The following TRAPPC9 variants were observed in gnomAD, a reference collection of about 807,000 sequenced individuals.
The protein encoded by TRAPPC9 is IKK2 binding protein.
A neutral mutation model predicts 124.0 loss-of-function variants in TRAPPC9; 83 were observed. That is an observed-to-expected ratio of 0.67 (90% CI 0.56 to 0.80). The LOEUF is 0.80. Among genes scored for constraint, TRAPPC9 ranks in the 30% least tolerant of loss-of-function variants. The pLI, the probability that TRAPPC9 is intolerant of heterozygous loss-of-function variation, is 0.00. For missense variants in TRAPPC9, 1,302 were observed against 1,508.3 expected, an observed-to-expected ratio of 0.86 and a Z score of 2.27; for synonymous variants, 638 against 617.5, an observed-to-expected ratio of 1.03 and a Z score of -0.49.
chr8:139,753,234 C>CCCATCCATCCATTCACCCATCTA (rs1819479796), intron 21 of TRAPPC9, among the ~76,000 whole-genome samples: 1 of 149,562 alleles, frequency 6.7e-6, no homozygotes, highest in Non-Finnish European at 1.5e-5. Flanking sequence ...CCAACATCTA[C>CCCATCCATCCATTCACCCATCTA]CCATCCATCC....
intron 19 of TRAPPC9, among the ~76,000 whole-genome samples, chr8:139,916,930 T>C (rs1200380874): frequency 2.6e-5 from 4 of 152,204 alleles, no homozygotes; most frequent in Non-Finnish European, 4.4e-5. Context: ...CATATGTGAA[T>C]CGATTGCCTG....
intron 11 of TRAPPC9, among the ~76,000 whole-genome samples, chr8:140,294,384 C>T (rs970439441): frequency 6.6e-6 from 1 of 152,120 alleles, no homozygotes; most frequent in African/African-American, 2.4e-5. Flanking sequence ...CAGACCACTC[C>T]TCACCACAAA....
chr8:140,077,877 G>A (rs892918680), intron 17 of TRAPPC9, among the ~76,000 whole-genome samples: 13 of 152,174 alleles, frequency 8.5e-5, no homozygotes, highest in Non-Finnish European at 1.5e-4. Context: ...AAAAGGCTGC[G>A]TGGCCCCAGA....
chr8:140,245,419 A>ACT (rs2063958214), intron 16 of TRAPPC9, among the ~76,000 whole-genome samples: 1 of 147,918 alleles, frequency 6.8e-6, no homozygotes, highest in South Asian at 2.2e-4. Flanking sequence ...GCGTCATTTA[A>ACT]CTCTCTCTTA....
At chr8:139,921,786 A>G (rs1832517417) in intron 19 of TRAPPC9, among the ~76,000 whole-genome samples, 1 of 152,126 alleles carries the variant, frequency 6.6e-6, no homozygotes, top group African/African-American at 2.4e-5. Context: ...AGAAAGGGCT[A>G]TGGGCTGCAT....
rs2064932985 is a variant in TRAPPC9, at chr8:140,272,132, A to ATGGTGATGGTGATGG, written c.2278+3511_2278+3525dup. 7.2e-5 allele frequency among the ~76,000 whole-genome samples: 10 copies of ATGGTGATGGTGATGG among 138,630 alleles called. No homozygotes were observed. In the Admixed American group the frequency reaches 7.3e-4, roughly 10 times the overall value. 90.9% of individuals were successfully genotyped at this position (138,630 alleles called of 152,430 possible). On this transcript the variant is annotated intron_variant, in intron 15 of 22. Coordinates refer to ENST00000438773, the MANE Select transcript of TRAPPC9 (RefSeq NM_001160372.4). Reference sequence around the variant, plus strand: ...GGTGGTGGCAATGGTGATGGTGGCGATGGTGATGGTGATGGTGGTAGCAGT... The same window carrying ATGGTGATGGTGATGG: ...GGTGGTGGCAATGGTGATGGTGGCGATGGTGATGGTGATGGTGGTGATGGTGATGGTGGTAGCAGT...
In TRAPPC9 at chr8:140,287,675, A is replaced by G. The variant is rs759370642; in HGVS notation, c.1914T>C (p.Ala638=). The change falls in exon 13 of 23, where the codon GCT becomes GCC. Residue 638 remains alanine (A), a synonymous_variant. Transcript: ENST00000438773. ...ESLPAALSLP[A]ESGLYPVTLV... ...GCGTCACTGGGTACAGACCAGATTC[A>G]GCCGGAAGAGAAAGCGCCGCAGGGA... 2 of 1,614,232 alleles carry G rather than the reference A, an allele frequency of 1.2e-6. No individual in the cohort carries two copies. Among genetic ancestry groups the G allele is most frequent in the African/African-American group, 1.3e-5 (1 of 75,066 alleles).
chr8:140,117,770 G>C (rs115475981), intron 17 of TRAPPC9, among the ~76,000 whole-genome samples: 2 of 152,254 alleles, frequency 1.3e-5, no homozygotes, highest in African/African-American at 2.4e-5. Context: ...AACATGCTGC[G>C]TAACAGAACT....
intron 14 of TRAPPC9, among the ~76,000 whole-genome samples, chr8:140,281,272 A>T (rs576942043): frequency 6.6e-6 from 1 of 152,348 alleles, no homozygotes; most frequent in Admixed American, 6.5e-5. Flanking sequence ...CGAGGCGTCC[A>T]GCTTCTCCGA....
chr8:139,804,075 C>T lies in TRAPPC9; in HGVS notation c.3056-71873G>A, dbSNP rs555643861. ...CACCTCCATCAAGCACCGCCGCCAC[C>T]ACCACGACGCACCACCACCACCACT... On this transcript the variant is annotated intron_variant, in intron 21 of 22. Transcript: ENST00000438773. Among the ~76,000 whole-genome samples, 5 of 150,854 alleles carry T rather than the reference C, an allele frequency of 3.3e-5. No individual in the cohort carries two copies. In the East Asian group the frequency reaches 9.8e-4, roughly 30 times the overall value.
At chr8:139,749,322 C>A (rs533717389) in intron 21 of TRAPPC9, among the ~76,000 whole-genome samples, 1 of 152,194 alleles carries the variant, frequency 6.6e-6, no homozygotes. Flanking sequence ...GGGACCTCTG[C>A]CATATGAATG....
chr8:139,789,189 C>T (rs994319637), intron 21 of TRAPPC9, among the ~76,000 whole-genome samples: 7 of 146,778 alleles, frequency 4.8e-5, no homozygotes, highest in Non-Finnish European at 1.0e-4. Flanking sequence ...GCCTGCCCGG[C>T]GGGCGGGAGA....
chr8:140,402,009 T>C (rs985897363), intron 6 of TRAPPC9, among the ~76,000 whole-genome samples: 2 of 151,802 alleles, frequency 1.3e-5, no homozygotes, highest in African/African-American at 4.8e-5. Flanking sequence ...CCTCAAAAAT[T>C]CTAAAATAAT....
intron 14 of TRAPPC9, among the ~76,000 whole-genome samples, chr8:140,279,318 C>T (rs2065230925): frequency 6.6e-6 from 1 of 152,130 alleles, no homozygotes; most frequent in Admixed American, 6.6e-5. Flanking sequence ...ATTGCTAGTC[C>T]TACAGCACAG....
intron 18 of TRAPPC9, among the ~76,000 whole-genome samples, chr8:139,991,551 T>A (rs1347721796): frequency 6.6e-6 from 1 of 151,996 alleles, no homozygotes; most frequent in Non-Finnish European, 1.5e-5. Context: ...GCTCTGAGCA[T>A]ATGGTTTACC....
intron 19 of TRAPPC9, 68 bp downstream of exon 19, chr8:139,988,658 C>A: frequency 9.2e-7 from 1 of 1,082,580 alleles, no homozygotes; most frequent in Non-Finnish European, 1.4e-6. Context: ...TATCTCCACA[C>A]CCTCCCAAGC....
At position 140,107,206 on chromosome 8, in the gene TRAPPC9, G is replaced by A. The variant is rs144839359; in HGVS notation, c.2557-83127C>T. Among the ~76,000 whole-genome samples the A allele has an allele frequency of 1.8e-4, 27 of 152,200 alleles. No homozygotes were observed. The South Asian group carries it at 1.9e-3, about 11-fold the overall frequency. ...CCCTTCTACTCTGCTTTCAAGTCCT[G>A]GTTCAATTCAAATCCCCTCCTCTGA... On this transcript the variant is annotated intron_variant, in intron 17 of 22. Coordinates refer to ENST00000438773, the MANE Select transcript of TRAPPC9 (RefSeq NM_001160372.4).
rs2071440207 is a variant in TRAPPC9 at position 140,451,059 on chromosome 8, G to T, written c.315C>A (p.Ile105=). Residue 105 remains isoleucine, a synonymous_variant, in exon 2 of 23, where the codon ATC becomes ATA. Transcript: ENST00000438773. The part of the protein sequence containing the change: ...TFEKFHVQKE[I]YGSTLYDSRL... ...GGGAGTCATACAGTGTGGAGCCGTAGATCTCCTTCTGCACGTGGAACTTCT... is the reference window on the plus strand; with the variant it reads ...GGGAGTCATACAGTGTGGAGCCGTATATCTCCTTCTGCACGTGGAACTTCT... The T allele has an allele frequency of 6.2e-7, 1 of 1,614,074 alleles. No homozygotes were observed. The highest frequency in any genetic ancestry group is 1.1e-5 in the South Asian group (1 of 91,074).
In TRAPPC9 at chr8:139,816,839, G is replaced by T. The variant is rs1824871781; in HGVS notation, c.3055+69040C>A. On this transcript the variant is annotated intron_variant, in intron 21 of 22. Coordinates refer to ENST00000438773, the MANE Select transcript of TRAPPC9 (RefSeq NM_001160372.4). ...AGTGACTTCCCACCTCCTTCCATCA[G>T]CTGCTTGGAACCAAACTCACGGCCC... is the stretch of plus-strand genomic sequence containing the variant. 2.0e-5 allele frequency among the ~76,000 whole-genome samples: 3 copies of T among 152,140 alleles called. No homozygotes were observed. In the South Asian group the frequency reaches 6.2e-4, roughly 32 times the overall value.
Sources: gnomAD v4.1 joint callset for allele counts (sites outside exome capture counted in the v4.1 genomes callset) on GRCh38, gnomAD v4.1.1 for gene constraint, MANE v1.5 for transcripts, NCBI Gene and HGNC (gene_info 2026-07-23, HGNC 2026-07-21) for gene names.